The following PDE8B variants were observed in gnomAD, a reference collection of about 807,000 sequenced individuals.
PDE8B encodes the protein high affinity cAMP-specific and IBMX-insensitive 3',5'-cyclic phosphodiesterase 8B.
A neutral mutation model predicts 101.3 loss-of-function variants in PDE8B; 26 were observed. The ratio of observed to expected loss-of-function variants is 0.26; its 90% CI spans 0.19 to 0.36. The LOEUF is 0.36. Ranked by LOEUF, PDE8B falls within the 10% of genes least tolerant of loss-of-function variation. The probability of loss-of-function intolerance (pLI) is 1.00; values close to 1 mark genes in which losing one functional copy is unlikely to be tolerated. For missense variants in PDE8B, 810 were observed against 1,163.1 expected, an observed-to-expected ratio of 0.70 and a Z score of 4.42; for synonymous variants, 424 against 429.3, an observed-to-expected ratio of 0.99 and a Z score of 0.15.
chr5:77,398,858 C>T (rs1791646475), intron 10 of PDE8B, among the ~76,000 whole-genome samples: 1 of 152,224 alleles, frequency 6.6e-6, no homozygotes, highest in Non-Finnish European at 1.5e-5. Flanking sequence ...AAGATTTCCT[C>T]CATTTTTTGG....
At chr5:77,221,986 G>C (rs562662211) in intron 1 of PDE8B, among the ~76,000 whole-genome samples, 30 of 152,284 alleles carry the variant, frequency 2.0e-4, no homozygotes, top group African/African-American at 7.2e-4. Context: ...GCCCTCTCTA[G>C]TCATGCCAAG....
chr5:77,353,180 C>G (rs1781468026), intron 9 of PDE8B, among the ~76,000 whole-genome samples, 166 bp from the exon 10 acceptor site: 1 of 152,078 alleles, frequency 6.6e-6, no homozygotes, highest in Admixed American at 6.6e-5. Flanking sequence ...TGTGTGGGCT[C>G]TGTGTGAAAA....
At chr5:77,346,948 T>C (rs1175568206) in intron 7 of PDE8B, among the ~76,000 whole-genome samples, 1 of 152,158 alleles carries the variant, frequency 6.6e-6, no homozygotes, top group Non-Finnish European at 1.5e-5. Context: ...TTCAGGGCAC[T>C]CCAATCAAAT....
At chr5:77,312,172 C>A in intron 2 of PDE8B, 119 bp downstream of exon 2, 1 of 716,166 alleles carries the variant, frequency 1.4e-6, no homozygotes. Flanking sequence ...GGCTCAGTCT[C>A]GGCTCACTGC....
chr5:77,410,604 G>C (rs1794361434), intron 14 of PDE8B: 2 of 152,138 alleles, frequency 1.3e-5, no homozygotes, highest in African/African-American at 4.8e-5. Context: ...ATGTGGTTTT[G>C]GGGAAGCGGA....
chr5:77,139,887 T>TC, the PDE8B span: 1 of 152,230 alleles, frequency 6.6e-6, no homozygotes, highest in Non-Finnish European at 1.5e-5. Flanking sequence ...TATTTTATAA[T>TC]CATCTGTGGC....
the PDE8B span, among the ~76,000 whole-genome samples, chr5:77,097,950 A>AC: frequency 6.6e-5 from 10 of 150,874 alleles, no homozygotes; most frequent in Admixed American, 6.6e-4. Context: ...GTAGGTTCAG[A>AC]CCTACAAGTA....
rs71736838 is a variant in PDE8B, at chr5:77,367,154, A to AACACAC, written c.1167+13778_1167+13783dup. ...GTATGCTAAAACATTGTTTTCTCAA[A>AACACAC]ACACACACACACACACACACACACA... On this transcript the variant is annotated intron_variant, in intron 10 of 21. Transcript: ENST00000264917. 4.5e-3 allele frequency among the ~76,000 whole-genome samples: 654 copies of AACACAC among 144,924 alleles called. 3 individuals are homozygous for AACACAC. Among genetic ancestry groups the AACACAC allele is most frequent in the South Asian group, 9.0e-3 (37 of 4,102 alleles).
rs1178921981 is a variant in PDE8B, at chr5:77,210,880, G to A, written c.-46G>A. 1.6e-6 allele frequency: 2 copies of A among 1,234,584 alleles called. No individual in the cohort carries two copies. The highest frequency in any genetic ancestry group is 2.0e-6 in the Non-Finnish European group (2 of 992,810). The allele number at this position is 1,234,584 out of a possible 1,614,324, so 76.5% of individuals were successfully genotyped here. On this transcript the variant is annotated 5_prime_UTR_variant, in exon 1 of 22. Coordinates refer to ENST00000264917, the MANE Select transcript of PDE8B (RefSeq NM_003719.5). The surrounding 1 kb of genome is among the most constrained non-coding windows in gnomAD (Gnocchi z 4.9). ...GGTGGCAGCGGGTGCGCTGGGTCCC[G>A]GCGGCCGCGGGCGCGGGCGGGCGCG...
At chr5:77,309,010 C>G (rs1771905125) in intron 1 of PDE8B, among the ~76,000 whole-genome samples, 1 of 152,090 alleles carries the variant, frequency 6.6e-6, no homozygotes, top group East Asian at 1.9e-4. Flanking sequence ...GAAACCCCAT[C>G]TCTACTAAAA....
chr5:77,228,735 T>C (rs1032914272), intron 1 of PDE8B, among the ~76,000 whole-genome samples: 5 of 152,110 alleles, frequency 3.3e-5, no homozygotes, highest in Non-Finnish European at 7.4e-5. Flanking sequence ...TCCTCGTTTG[T>C]CAGGCTGAAG....
intron 17 of PDE8B, among the ~76,000 whole-genome samples, chr5:77,417,906 C>T (rs1795891336): frequency 1.3e-5 from 2 of 152,162 alleles, no homozygotes; most frequent in Non-Finnish European, 2.9e-5. Context: ...GATCACAGGC[C>T]ACTTTCTGCT....
chr5:77,346,732 G>A (rs73136867), intron 7 of PDE8B, among the ~76,000 whole-genome samples: 8,021 of 152,230 alleles, frequency 0.053, 266 homozygotes, highest in African/African-American at 0.081. Context: ...AGACCTTACA[G>A]CTTTTTTCTC....
intron 1 of PDE8B, among the ~76,000 whole-genome samples, chr5:77,310,262 T>G (rs1378790226): frequency 6.6e-6 from 1 of 152,244 alleles, no homozygotes; most frequent in Non-Finnish European, 1.5e-5. Context: ...AATCATTAAC[T>G]TTTTAATCAG....
intron 10 of PDE8B, among the ~76,000 whole-genome samples, chr5:77,373,832 C>A (rs76455369): frequency 0.19 from 28,991 of 152,052 alleles, 3,370 homozygotes; most frequent in Middle Eastern, 0.32. Context: ...AAATGTTCTT[C>A]TTTATAGCTG....
chr5:77,394,862 C>T (rs1434407293), intron 10 of PDE8B, among the ~76,000 whole-genome samples: 1 of 152,170 alleles, frequency 6.6e-6, no homozygotes, highest in Non-Finnish European at 1.5e-5. Flanking sequence ...GGGATTGAGC[C>T]AAGGGACCTG....
At chr5:77,249,299 T>C (rs1040687756) in intron 1 of PDE8B, among the ~76,000 whole-genome samples, 1 of 152,208 alleles carries the variant, frequency 6.6e-6, no homozygotes, top group Admixed American at 6.5e-5. Flanking sequence ...CCACAAACAC[T>C]GTCCACTTTA....
intron 20 of PDE8B, 120 bp downstream of exon 20, chr5:77,422,108 G>A (rs1409404689): frequency 9.0e-6 from 10 of 1,108,840 alleles, no homozygotes; most frequent in Admixed American, 2.0e-5. Flanking sequence ...ACTCCTCCCT[G>A]GAAGAAAGCA....
chr5:77,231,866 G>A (rs752968404), intron 1 of PDE8B, among the ~76,000 whole-genome samples: 6 of 152,210 alleles, frequency 3.9e-5, no homozygotes, highest in Non-Finnish European at 8.8e-5. Flanking sequence ...CTGAAGCAGC[G>A]AAGGAGTGGG....
Sources: gnomAD v4.1 joint callset for allele counts (sites outside exome capture counted in the v4.1 genomes callset) on GRCh38, gnomAD v4.1.1 for gene constraint, Gnocchi (gnomAD v3.1) non-coding constraint, MANE v1.5 for transcripts, NCBI Gene and HGNC (gene_info 2026-07-23, HGNC 2026-07-21) for gene names.